Variants in SLC38A4 observed in about 807,000 individuals in gnomAD.
SLC38A4 encodes sodium-coupled neutral amino acid transporter 4.
SLC38A4 carries 20 observed loss-of-function variants against 63.1 expected under a neutral mutation model. That is an observed-to-expected ratio of 0.32 (90% CI 0.22 to 0.46). The LOEUF (loss-of-function observed/expected upper bound fraction) is 0.46. Among genes scored for constraint, SLC38A4 ranks in the 20% least tolerant of loss-of-function variants. The pLI is 1.00. For missense variants in SLC38A4, 526 were observed against 663.6 expected (o/e 0.79, Z 2.28); for synonymous variants, 230 against 225.5 (o/e 1.02, Z -0.18).
At chr12:46,781,287 T>C (rs1175099696) in intron 7 of SLC38A4, among the ~76,000 whole-genome samples, 1 of 152,066 alleles carries the variant, frequency 6.6e-6, no homozygotes, top group East Asian at 1.9e-4. Flanking sequence ...AGTGAAATGA[T>C]TTTTACAATA....
intron 1 of SLC38A4, among the ~76,000 whole-genome samples, chr12:46,807,555 G>T (rs1182379637): frequency 6.6e-6 from 1 of 151,930 alleles, no homozygotes; most frequent in Non-Finnish European, 1.5e-5. Context: ...GTGTTAAAGA[G>T]AATTTGTGAT....
intron 14 of SLC38A4, among the ~76,000 whole-genome samples, chr12:46,771,692 G>A (rs1471195584): frequency 1.3e-5 from 2 of 152,094 alleles, no homozygotes; most frequent in Non-Finnish European, 2.9e-5. Context: ...TAGGCTTGTG[G>A]TGGTGGTGGA....
At chr12:46,807,110 A>C (rs375533651) in intron 1 of SLC38A4, among the ~76,000 whole-genome samples, 1 of 152,030 alleles carries the variant, frequency 6.6e-6, no homozygotes, top group Admixed American at 6.6e-5. Context: ...AGGACGAAAT[A>C]ATATTTGAAA....
intron 5 of SLC38A4, among the ~76,000 whole-genome samples, chr12:46,785,747 T>C (rs1466109365): frequency 5.2e-5 from 7 of 135,258 alleles, no homozygotes; most frequent in Admixed American, 7.3e-5. Context: ...CCTTTTTTTT[T>C]TTTTTTTTTT....
intron 7 of SLC38A4, 105 bp from the exon 8 acceptor site, chr12:46,780,135 A>G: frequency 1.2e-6 from 1 of 858,532 alleles, no homozygotes; most frequent in Non-Finnish European, 1.9e-6. Flanking sequence ...AATCCCCCAA[A>G]TGGAAAAAAA....
chr12:46,811,930 C>A (rs996613589), intron 1 of SLC38A4, among the ~76,000 whole-genome samples: 1 of 151,836 alleles, frequency 6.6e-6, no homozygotes, highest in Non-Finnish European at 1.5e-5. Context: ...CTATAGAAAT[C>A]CTGACTCTTC....
At chr12:46,805,515 G>A (rs1592191334) in intron 1 of SLC38A4, among the ~76,000 whole-genome samples, 1 of 151,910 alleles carries the variant, frequency 6.6e-6, no homozygotes, top group Non-Finnish European at 1.5e-5. Context: ...CAAAACTCAC[G>A]ATAACTTTTC....
At chr12:46,822,410 G>A (rs1179429628) in intron 1 of SLC38A4, among the ~76,000 whole-genome samples, 1 of 152,072 alleles carries the variant, frequency 6.6e-6, no homozygotes, top group Non-Finnish European at 1.5e-5. Flanking sequence ...TAGGCATAAA[G>A]GGACCCTACC....
chr12:46,807,483 A>G (rs536565210), intron 1 of SLC38A4, among the ~76,000 whole-genome samples: 59 of 152,018 alleles, frequency 3.9e-4, no homozygotes, highest in Middle Eastern at 3.4e-3. Context: ...GAAAGAAACA[A>G]TATTTTGATT....
Position 46,778,486 on chromosome 12 carries a change from G to GGACC in SLC38A4, c.993+11_993+14dup. ...ACATAACTGTACTCATTAGAAGCCC[G>GGACC]GACCGCTCACTTACCCGGGAGTTGA... On this transcript the variant is annotated intron_variant, in intron 11 of 16. Coordinates refer to ENST00000266579, the MANE Select transcript of SLC38A4 (RefSeq NM_018018.5). The GGACC allele has an allele frequency of 6.2e-7, 1 of 1,610,110 alleles. No individual in the cohort carries two copies. Among genetic ancestry groups the GGACC allele is most frequent in the Non-Finnish European group, 8.5e-7 (1 of 1,177,188 alleles).
intron 1 of SLC38A4, among the ~76,000 whole-genome samples, chr12:46,818,770 T>A (rs1463680959): frequency 2.0e-5 from 3 of 151,898 alleles, no homozygotes; most frequent in Non-Finnish European, 4.4e-5. Flanking sequence ...TGTGGGACAA[T>A]TTTAAAAATC....
intron 2 of SLC38A4, among the ~76,000 whole-genome samples, chr12:46,801,239 T>A (rs1455543156): frequency 1.3e-5 from 2 of 152,152 alleles, no homozygotes; most frequent in Non-Finnish European, 2.9e-5. Context: ...AGCTAATTCT[T>A]TATATCCAAA....
intron 1 of SLC38A4, among the ~76,000 whole-genome samples, chr12:46,811,867 A>T (rs1939345171): frequency 6.9e-6 from 1 of 144,848 alleles, no homozygotes; most frequent in Non-Finnish European, 1.5e-5. Flanking sequence ...AAATGATGTA[A>T]ACTATGTCAA....
At chr12:46,782,264 A>C (rs913969919) in intron 7 of SLC38A4, among the ~76,000 whole-genome samples, 5 of 151,996 alleles carry the variant, frequency 3.3e-5, no homozygotes, top group Non-Finnish European at 7.4e-5. Context: ...ATCTCTGTGC[A>C]AGTGTATTTA....
In SLC38A4 at chr12:46,766,609, A is replaced by G. The variant is rs745522256; in HGVS notation, c.*92T>C. The stretch of plus-strand genomic sequence containing the variant: ...CTTTGGAATCTTCCTGTTATTTCCT[A>G]TGAATAACATTCCAATCAAGATAAT... On this transcript the variant is annotated 3_prime_UTR_variant, in exon 17 of 17. Transcript: ENST00000266579. The G allele has an allele frequency of 5.5e-6, 5 of 910,982 alleles. No homozygotes were observed. Among genetic ancestry groups the G allele is most frequent in the African/African-American group, 1.6e-5 (1 of 60,684 alleles). The allele number at this position is 910,982 out of a possible 1,614,324, so 56.4% of individuals were successfully genotyped here. A position where few individuals can be genotyped will look rare whatever the true frequency, so the allele number is the denominator to read the frequency against.
chr12:46,808,789 G>T (rs556107929), intron 1 of SLC38A4, among the ~76,000 whole-genome samples: 2 of 152,098 alleles, frequency 1.3e-5, no homozygotes, highest in East Asian at 3.9e-4. Flanking sequence ...TTGCTTTAAA[G>T]AATAATTTCT....
At chr12:46,787,594 T>A (rs1220565696) in intron 5 of SLC38A4, among the ~76,000 whole-genome samples, 1 of 152,162 alleles carries the variant, frequency 6.6e-6, no homozygotes, top group Non-Finnish European at 1.5e-5. Flanking sequence ...TGCAGGGCTC[T>A]TAGGCTTGGT....
intron 12 of SLC38A4, among the ~76,000 whole-genome samples, 196 bp from the exon 13 acceptor site, chr12:46,777,200 T>C (rs1417356070): frequency 6.6e-6 from 1 of 152,008 alleles, no homozygotes; most frequent in Admixed American, 6.6e-5. Flanking sequence ...TAAACACTAG[T>C]CCTTCAGTCT....
In SLC38A4 at chr12:46,776,074, A is replaced by G. The variant is rs149185618; in HGVS notation, c.1174+830T>C. Reference sequence around the variant, plus strand: ...CTACTCCTGAATCTTTTCCTCCACAATTTGTCATACATGCAATTCAATTTA... The same window carrying G: ...CTACTCCTGAATCTTTTCCTCCACAGTTTGTCATACATGCAATTCAATTTA... On this transcript the variant is annotated intron_variant, in intron 13 of 16. Transcript: ENST00000266579. Among the ~76,000 whole-genome samples, 696 of 152,152 alleles carry G rather than the reference A, an allele frequency of 4.6e-3. 4 individuals carry two copies. Among genetic ancestry groups the G allele is most frequent in the African/African-American group, 0.016 (649 of 41,560 alleles).
Sources: allele counts gnomAD v4.1 joint callset (sites outside exome capture counted in the v4.1 genomes callset), GRCh38; gene constraint gnomAD v4.1.1; transcripts MANE v1.5; gene names NCBI Gene and HGNC (gene_info 2026-07-23, HGNC 2026-07-21).